Variants in PLCB1 observed in about 807,000 individuals in gnomAD.
PLCB1 encodes the protein phospholipase C beta 1, also known as 1-phosphatidylinositol 4,5-bisphosphate phosphodiesterase beta-1.
PLCB1 carries 46 observed loss-of-function variants against 161.8 expected under a neutral mutation model. The ratio of observed to expected loss-of-function variants is 0.28; its 90% CI spans 0.22 to 0.36. The LOEUF is 0.36. PLCB1 is among the 10% of genes least tolerant of loss of function. PLCB1 has a pLI of 1.00. For synonymous variants in PLCB1, 517 were observed against 503.7 expected (o/e 1.03, Z -0.35); for missense variants, 1,016 against 1,472.5 (o/e 0.69, Z 5.07).
intron 3 of PLCB1, among the ~76,000 whole-genome samples, chr20:8,577,073 T>C (rs896757609): frequency 3.0e-4 from 45 of 152,006 alleles, no homozygotes; most frequent in African/African-American, 1.1e-3. Flanking sequence ...ACAAGTTGCA[T>C]TAATAAAAAA....
At chr20:8,781,169 A>C (rs1983200089) in intron 27 of PLCB1, among the ~76,000 whole-genome samples, 1 of 152,106 alleles carries the variant, frequency 6.6e-6, no homozygotes, top group African/African-American at 2.4e-5. Flanking sequence ...AAGTATCCCT[A>C]CTGTCAGTTG....
At chr20:8,803,554 TG>T (rs1984386313) in intron 31 of PLCB1, among the ~76,000 whole-genome samples, 1 of 152,072 alleles carries the variant, frequency 6.6e-6, no homozygotes, top group African/African-American at 2.4e-5. Context: ...GTGATCATTT[TG>T]TTTCTGTATT....
intron 10 of PLCB1, among the ~76,000 whole-genome samples, chr20:8,688,117 G>C (rs1990398678): frequency 6.6e-6 from 1 of 152,088 alleles, no homozygotes; most frequent in African/African-American, 2.4e-5. Context: ...TATGTGTGTT[G>C]GTCATTTGTA....
At chr20:8,457,714 GCACACA>G (rs145581916) in intron 3 of PLCB1, among the ~76,000 whole-genome samples, 42,544 of 145,766 alleles carry the variant, frequency 0.29, 6,309 homozygotes, top group African/African-American at 0.33. Flanking sequence ...ATGTGTGCGC[GCACACA>G]CACACACACA....
chr20:8,850,363 G>C (rs1433937543), intron 31 of PLCB1, among the ~76,000 whole-genome samples: 1 of 152,160 alleles, frequency 6.6e-6, no homozygotes, highest in Admixed American at 6.5e-5. Flanking sequence ...ATGAATTATG[G>C]ATGAAGAGGA....
intron 2 of PLCB1, among the ~76,000 whole-genome samples, chr20:8,239,837 T>C (rs190179016): frequency 1.2e-3 from 180 of 152,136 alleles, no homozygotes; most frequent in South Asian, 3.3e-3. Flanking sequence ...CACTGTAAAA[T>C]GGGTTTTTGT....
At chr20:8,629,863 TTC>T (rs1988491236) in intron 4 of PLCB1, among the ~76,000 whole-genome samples, 1 of 102,026 alleles carries the variant, frequency 9.8e-6, no homozygotes, top group Admixed American at 1.2e-4. Flanking sequence ...CTTTCTTTCT[TTC>T]TTTCTTTCTT....
intron 2 of PLCB1, among the ~76,000 whole-genome samples, chr20:8,196,080 A>G (rs2052020981): frequency 6.6e-6 from 1 of 152,012 alleles, no homozygotes; most frequent in Non-Finnish European, 1.5e-5. Flanking sequence ...CTCACTATCA[A>G]AAGAACAGCA....
intron 2 of PLCB1, among the ~76,000 whole-genome samples, chr20:8,198,293 C>T (rs546439566): frequency 2.6e-5 from 4 of 152,244 alleles, no homozygotes; most frequent in East Asian, 1.9e-4. Flanking sequence ...TATCCATGAG[C>T]GTGGAATGTT....
At chr20:8,331,002 G>T (rs912430832) in intron 2 of PLCB1, among the ~76,000 whole-genome samples, 5 of 152,156 alleles carry the variant, frequency 3.3e-5, no homozygotes, top group African/African-American at 1.2e-4. Context: ...TACCATTTTG[G>T]TAAGTCAAAA....
intron 3 of PLCB1, among the ~76,000 whole-genome samples, chr20:8,531,997 T>C (rs893295588): frequency 1.3e-5 from 2 of 152,192 alleles, no homozygotes; most frequent in Non-Finnish European, 2.9e-5. Context: ...TAAAATCTGA[T>C]CTACTGGGCT....
At chr20:8,703,929 G>T (rs1978513995) in intron 11 of PLCB1, among the ~76,000 whole-genome samples, 1 of 152,150 alleles carries the variant, frequency 6.6e-6, no homozygotes. Context: ...GGGAGGAGGG[G>T]TCTTACCCAC....
intron 2 of PLCB1, among the ~76,000 whole-genome samples, chr20:8,300,924 A>T (rs1600297878): frequency 6.6e-6 from 1 of 152,108 alleles, no homozygotes; most frequent in African/African-American, 2.4e-5. Context: ...TCAGCTAATA[A>T]ATTGGCCCTC....
intron 2 of PLCB1, among the ~76,000 whole-genome samples, chr20:8,267,230 C>G (rs930754858): frequency 7.1e-6 from 1 of 140,884 alleles, no homozygotes; most frequent in African/African-American, 3.2e-5. Flanking sequence ...TGTGCCAGAT[C>G]CCCTTGGGCT....
At chr20:8,320,960 AAAG>A (rs1984892904) in intron 2 of PLCB1, among the ~76,000 whole-genome samples, 1 of 151,756 alleles carries the variant, frequency 6.6e-6, no homozygotes, top group South Asian at 2.1e-4. Context: ...GAAGGAAAAG[AAAG>A]AAAGGGAAAA....
At chr20:8,531,116 G>A (rs1984796243) in intron 3 of PLCB1, among the ~76,000 whole-genome samples, 1 of 151,968 alleles carries the variant, frequency 6.6e-6, no homozygotes, top group Non-Finnish European at 1.5e-5. Context: ...AAATGAATAG[G>A]GTCATGGTCT....
At chr20:8,373,245 CT>C (rs950682933) in intron 3 of PLCB1, among the ~76,000 whole-genome samples, 3 of 152,056 alleles carry the variant, frequency 2.0e-5, no homozygotes, top group African/African-American at 7.2e-5. Context: ...TCCTGGCTTC[CT>C]TTTTTTCCCT....
chr20:8,160,862 A>G (rs2051614729), intron 2 of PLCB1, among the ~76,000 whole-genome samples: 2 of 152,200 alleles, frequency 1.3e-5, no homozygotes, highest in African/African-American at 4.8e-5. Context: ...TAAATAATAT[A>G]ATTACTTTCT....
chr20:8,539,960 A>G (rs1453137685), intron 3 of PLCB1, among the ~76,000 whole-genome samples: 7 of 152,122 alleles, frequency 4.6e-5, no homozygotes, highest in Non-Finnish European at 4.4e-5. Flanking sequence ...GGAGGTTGTC[A>G]GTCTTATTCC....
Sources: gnomAD v4.1 joint callset for allele counts (sites outside exome capture counted in the v4.1 genomes callset) on GRCh38, gnomAD v4.1.1 for gene constraint, MANE v1.5 for transcripts, NCBI Gene and HGNC (gene_info 2026-07-23, HGNC 2026-07-21) for gene names.